LAMTOR2: variants seen among roughly 807,000 people sequenced by gnomAD.
LAMTOR2 encodes ragulator complex protein LAMTOR2.
In LAMTOR2, 4 loss-of-function variants were observed where a neutral mutation model predicts 15.8. The observed-to-expected ratio is 0.25, with a 90% CI of 0.12 to 0.58. The LOEUF (loss-of-function observed/expected upper bound fraction) is 0.58, where lower values mean the gene tolerates loss of function less well. Among genes scored for constraint, LAMTOR2 ranks in the 20% least tolerant of loss-of-function variants. The pLI is 0.91. For synonymous variants in LAMTOR2, 62 were observed against 64.1 expected (o/e 0.97, Z 0.15); for missense variants, 100 against 161.0 (o/e 0.62, Z 2.05).
In LAMTOR2 at chr1:156,054,805, G is replaced by A; in HGVS notation, c.-85G>A. 1.4e-6 allele frequency: 2 copies of A among 1,391,702 alleles called. No homozygotes were observed. Among genetic ancestry groups the A allele is most frequent in the Non-Finnish European group, 2.0e-6 (2 of 990,984 alleles). 86.2% of individuals were successfully genotyped at this position (1,391,702 alleles called of 1,614,324 possible). On this transcript the variant is annotated 5_prime_UTR_variant, in exon 1 of 4. Coordinates refer to ENST00000368305, the MANE Select transcript of LAMTOR2 (RefSeq NM_014017.4). Reference sequence around the variant, plus strand: ...CCAGGGCGTCCCGGAGCAGGCCAACGGGACTACGGGAAGCAGCGGGCAGCG... The same window carrying A: ...CCAGGGCGTCCCGGAGCAGGCCAACAGGACTACGGGAAGCAGCGGGCAGCG...
rs1436833578 is a variant in LAMTOR2, at chr1:156,058,386, G to A, written c.*15G>A. ...CGGCATCTTAACGGCATTGGTGGAAGCTGGGGTCAGAAAAGAGAAATGACC... is the reference window on the plus strand; with the variant it reads ...CGGCATCTTAACGGCATTGGTGGAAACTGGGGTCAGAAAAGAGAAATGACC... On this transcript the variant is annotated 3_prime_UTR_variant, in exon 4 of 4. Transcript: ENST00000368305. The A allele has an allele frequency of 9.9e-6, 16 of 1,613,962 alleles. No individual in the cohort carries two copies. The highest frequency in any genetic ancestry group is 1.6e-4 in the Middle Eastern group (1 of 6,084).
In LAMTOR2 at chr1:156,055,368, G is replaced by A; in HGVS notation, c.174G>A (p.Arg58=). The part of the protein sequence containing the change: ...IASNIWAAYD[R]NGNQAFNEDN... The stretch of plus-strand genomic sequence containing the variant: ...GTAACATCTGGGCCGCCTACGACCG[G>A]AACGGGAACCAAGCGTTTAATGAAG... Residue 58 remains arginine, a synonymous_variant, in exon 2 of 4, where the codon CGG becomes CGA. Transcript: ENST00000368305. The surrounding 1 kb of genome is among the most constrained non-coding windows in gnomAD (Gnocchi z 4.8). 1.9e-6 allele frequency: 3 copies of A among 1,614,218 alleles called. No homozygotes were observed. Among genetic ancestry groups the A allele is most frequent in the Non-Finnish European group, 2.5e-6 (3 of 1,180,040 alleles).
In LAMTOR2 at chr1:156,055,440, G is replaced by A; in HGVS notation, c.231+15G>A. The A allele has an allele frequency of 6.2e-7, 1 of 1,614,120 alleles. No homozygotes were observed. Among genetic ancestry groups the A allele is most frequent in the Non-Finnish European group, 8.5e-7 (1 of 1,179,996 alleles). On this transcript the variant is annotated intron_variant, in intron 2 of 3. Coordinates refer to ENST00000368305, the MANE Select transcript of LAMTOR2 (RefSeq NM_014017.4). The surrounding 1 kb of genome is among the most constrained non-coding windows in gnomAD (Gnocchi z 4.8). ...TGGACTGCATGGTATGGAGAGGGGA[G>A]CCAGACTTCCCCTGTCCCCCAAAGG...
chr1:156,057,191 A>AG (rs1406731277), intron 2 of LAMTOR2, among the ~76,000 whole-genome samples: 3 of 151,390 alleles, frequency 2.0e-5, no homozygotes, highest in Non-Finnish European at 2.9e-5. Context: ...AAAAAAAAAA[A>AG]AAAAAGAAAT....
chr1:156,055,500 A>T lies in LAMTOR2; in HGVS notation c.231+75A>T, dbSNP rs930774717. 8 of 1,562,912 alleles carry T rather than the reference A, an allele frequency of 5.1e-6. No homozygotes were observed. The highest frequency in any genetic ancestry group is 7.0e-6 in the Non-Finnish European group (8 of 1,135,616). On this transcript the variant is annotated intron_variant, in intron 2 of 3. Coordinates refer to ENST00000368305, the MANE Select transcript of LAMTOR2 (RefSeq NM_014017.4). The surrounding 1 kb of genome is among the most constrained non-coding windows in gnomAD (Gnocchi z 4.8). ...GGGGGCGACCTGGACCCCATCCTGG[A>T]TGGTTGGAGGGGCAGGGACAGGATC...
At chr1:156,054,992 T>C in intron 1 of LAMTOR2, 35 bp downstream of exon 1, 2 of 1,599,090 alleles carry the variant, frequency 1.3e-6, no homozygotes, top group Admixed American at 1.7e-5. Flanking sequence ...CGGCGAGCGC[T>C]GCAGTGGGGC....
chr1:156,054,821 G>A lies in LAMTOR2; in HGVS notation c.-69G>A. 6.6e-7 allele frequency: 1 copy of A among 1,514,778 alleles called. No homozygotes were observed. The allele number at this position is 1,514,778 out of a possible 1,614,324, so 93.8% of individuals were successfully genotyped here. On this transcript the variant is annotated 5_prime_UTR_variant, in exon 1 of 4. Coordinates refer to ENST00000368305, the MANE Select transcript of LAMTOR2 (RefSeq NM_014017.4). Reference sequence around the variant, plus strand: ...CAGGCCAACGGGACTACGGGAAGCAGCGGGCAGCGGCCCGCGGGAGGCACC... The same window carrying A: ...CAGGCCAACGGGACTACGGGAAGCAACGGGCAGCGGCCCGCGGGAGGCACC...
Position 156,055,451 on chromosome 1 carries a change from C to CT in LAMTOR2, c.231+26_231+27insT, listed in dbSNP as rs756792246. The CT allele has an allele frequency of 3.7e-6, 6 of 1,614,012 alleles. 1 individual carries two copies. The highest frequency in any genetic ancestry group is 5.1e-6 in the Non-Finnish European group (6 of 1,179,980). On this transcript the variant is annotated intron_variant, in intron 2 of 3. Transcript: ENST00000368305. This position sits in a 1 kb window ranked among gnomAD's most constrained non-coding sequence, Gnocchi z 4.8. ...GTATGGAGAGGGGAGCCAGACTTCC[C>CT]CTGTCCCCCAAAGGGGATCCCAAGG...
chr1:156,056,949 G>A (rs1014930203), intron 2 of LAMTOR2, among the ~76,000 whole-genome samples: 2 of 152,276 alleles, frequency 1.3e-5, no homozygotes, highest in Middle Eastern at 3.4e-3. Flanking sequence ...GGAGGCCGAG[G>A]CGGGCGGATC....
intron 2 of LAMTOR2, among the ~76,000 whole-genome samples, chr1:156,056,771 C>A (rs1647385089): frequency 6.6e-6 from 1 of 152,164 alleles, no homozygotes; most frequent in African/African-American, 2.4e-5. Flanking sequence ...CTCCCCTACC[C>A]CCTGCACAAC....
chr1:156,057,049 G>T (rs914243620), intron 2 of LAMTOR2, among the ~76,000 whole-genome samples: 2 of 151,468 alleles, frequency 1.3e-5, no homozygotes. Flanking sequence ...ATGGTGGTGC[G>T]TGCCTGTAAT....
chr1:156,057,459 A>C (rs759515111), intron 2 of LAMTOR2, among the ~76,000 whole-genome samples: 3 of 151,906 alleles, frequency 2.0e-5, no homozygotes, highest in Non-Finnish European at 4.4e-5. Context: ...ACTACATGTA[A>C]TATACTTCAT....
chr1:156,057,950 TCAC>T (rs1233615296), intron 2 of LAMTOR2, 25 bp from the exon 3 acceptor site: 18 of 1,607,998 alleles, frequency 1.1e-5, no homozygotes, highest in Non-Finnish European at 1.5e-5. Flanking sequence ...AAGCAGAACA[TCAC>T]ATCCCATCAT....
chr1:156,055,392 A>G lies in LAMTOR2; in HGVS notation c.198A>G (p.Glu66=). The part of the protein sequence containing the change: ...YDRNGNQAFN[E]DNLKFILMDC... ...GGAACGGGAACCAAGCGTTTAATGA[A>G]GACAATCTCAAATTCATCCTCATGG... The change falls in exon 2 of 4, where the codon GAA becomes GAG. Residue 66 remains glutamate (E), a synonymous_variant. Coordinates refer to ENST00000368305, the MANE Select transcript of LAMTOR2 (RefSeq NM_014017.4). The surrounding 1 kb of genome is among the most constrained non-coding windows in gnomAD (Gnocchi z 4.8). 6.2e-7 allele frequency: 1 copy of G among 1,614,220 alleles called. No individual in the cohort carries two copies. Among genetic ancestry groups the G allele is most frequent in the South Asian group, 1.1e-5 (1 of 91,086 alleles).
Position 156,055,148 on chromosome 1 carries a change from G to A in LAMTOR2, c.69-115G>A. On this transcript the variant is annotated intron_variant, in intron 1 of 3. Coordinates refer to ENST00000368305, the MANE Select transcript of LAMTOR2 (RefSeq NM_014017.4). This position sits in a 1 kb window ranked among gnomAD's most constrained non-coding sequence, Gnocchi z 4.8. ...GCTGGGTGCTTAGGGCATGTTCCGG[G>A]ACACGCTCAGGCCAGAGCCTTGCTG... 6.7e-7 allele frequency: 1 copy of A among 1,488,976 alleles called. No individual in the cohort carries two copies. Among genetic ancestry groups the A allele is most frequent in the Non-Finnish European group, 9.3e-7 (1 of 1,076,828 alleles). The allele number at this position is 1,488,976 out of a possible 1,614,324, so 92.2% of individuals were successfully genotyped here.
rs774537902 is a variant in LAMTOR2 at position 156,058,338 on chromosome 1, G to A, written c.345G>A (p.Leu115=). Residue 115 remains leucine, a synonymous_variant, in exon 4 of 4, where the codon CTG becomes CTA. Coordinates refer to ENST00000368305, the MANE Select transcript of LAMTOR2 (RefSeq NM_014017.4). ...AGGCCCAGGCTTTGGTGCAGTACCT[G>A]GAGGAGCCCCTCACCCAAGTGGCGG... ...KAKAQALVQY[L]EEPLTQVAAS The A allele has an allele frequency of 9.3e-6, 15 of 1,614,088 alleles. No individual in the cohort carries two copies. Among genetic ancestry groups the A allele is most frequent in the Non-Finnish European group, 1.2e-5 (14 of 1,180,004 alleles).
In LAMTOR2 at chr1:156,055,460, C is replaced by G. The variant is rs1225393803; in HGVS notation, c.231+35C>G. On this transcript the variant is annotated intron_variant, in intron 2 of 3. Coordinates refer to ENST00000368305, the MANE Select transcript of LAMTOR2 (RefSeq NM_014017.4). This position sits in a 1 kb window ranked among gnomAD's most constrained non-coding sequence, Gnocchi z 4.8. ...GGGGAGCCAGACTTCCCCTGTCCCC[C>G]AAAGGGGATCCCAAGGGGGCGACCT... 1 of 1,613,126 alleles carries G rather than the reference C, an allele frequency of 6.2e-7. No homozygotes were observed. The highest frequency in any genetic ancestry group is 8.5e-7 in the Non-Finnish European group (1 of 1,179,280).
At chr1:156,057,930 T>C (rs369371930) in intron 2 of LAMTOR2, 48 bp from the exon 3 acceptor site, 50 of 1,563,202 alleles carry the variant, frequency 3.2e-5, no homozygotes, top group Middle Eastern at 3.3e-4. Flanking sequence ...AGGAGGGTGC[T>C]AAGGGTGCCA....
chr1:156,057,116 T>C (rs924247903), intron 2 of LAMTOR2, among the ~76,000 whole-genome samples: 1 of 146,540 alleles, frequency 6.8e-6, no homozygotes, highest in Non-Finnish European at 1.5e-5. Flanking sequence ...AGGCAGTGGT[T>C]GCAGTGAGCC....
Sources: allele counts gnomAD v4.1 joint callset (sites outside exome capture counted in the v4.1 genomes callset), GRCh38; gene constraint gnomAD v4.1.1; non-coding constraint Gnocchi (gnomAD v3.1); transcripts MANE v1.5; gene names NCBI Gene and HGNC (gene_info 2026-07-23, HGNC 2026-07-21).